Variants in TBC1D9 observed in about 807,000 individuals in gnomAD.
TBC1D9 encodes TBC1 domain family member 9A.
Under a neutral mutation model 132.0 loss-of-function variants are expected in TBC1D9, and 63 were observed. That is an observed-to-expected ratio of 0.48 (90% CI 0.39 to 0.59). The LOEUF is 0.59. Ranked by LOEUF, TBC1D9 falls within the 20% of genes least tolerant of loss-of-function variation. The pLI, the probability that TBC1D9 is intolerant of heterozygous loss-of-function variation, is 0.00. For synonymous variants in TBC1D9, 610 were observed against 609.9 expected, an observed-to-expected ratio of 1.00 and a Z score of 0.00; for missense variants, 1,261 against 1,592.7, an observed-to-expected ratio of 0.79 and a Z score of 3.54.
intron 1 of TBC1D9, among the ~76,000 whole-genome samples, chr4:140,736,415 C>A (rs1038689676): frequency 6.6e-6 from 1 of 152,068 alleles, no homozygotes; most frequent in African/African-American, 2.4e-5. Flanking sequence ...GTGGTACGTG[C>A]CTATAATCCC....
intron 13 of TBC1D9, among the ~76,000 whole-genome samples, chr4:140,646,506 A>G (rs1316881076): frequency 6.6e-6 from 1 of 152,162 alleles, no homozygotes; most frequent in Non-Finnish European, 1.5e-5. Flanking sequence ...ATATTAATTA[A>G]TCCTGTATTT....
At chr4:140,630,304 C>G (rs181810899) in intron 16 of TBC1D9, among the ~76,000 whole-genome samples, 1 of 152,224 alleles carries the variant, frequency 6.6e-6, no homozygotes, top group Non-Finnish European at 1.5e-5. Context: ...GCAAAAACAG[C>G]AATCATGTAG....
At chr4:140,641,627 G>A (rs1441109620) in intron 13 of TBC1D9, among the ~76,000 whole-genome samples, 3 of 151,956 alleles carry the variant, frequency 2.0e-5, no homozygotes, top group African/African-American at 4.8e-5. Flanking sequence ...ATGGGGGTGG[G>A]GAGGAACTCG....
chr4:140,639,004 C>T (rs915941258), intron 15 of TBC1D9, 82 bp downstream of exon 15: 8 of 1,008,096 alleles, frequency 7.9e-6, no homozygotes, highest in African/African-American at 1.6e-5. Flanking sequence ...CTTAATTTAA[C>T]AGAAAAATCA....
chr4:140,643,082 G>C, intron 13 of TBC1D9: 1 of 1,348,536 alleles, frequency 7.4e-7, no homozygotes, highest in Admixed American at 2.0e-5. Flanking sequence ...ACTTATTGTG[G>C]GCTTCAGCTC....
chr4:140,635,176 A>C (rs1181496857), intron 15 of TBC1D9, among the ~76,000 whole-genome samples: 1 of 152,072 alleles, frequency 6.6e-6, no homozygotes, highest in Non-Finnish European at 1.5e-5. Flanking sequence ...AAATATGGTA[A>C]TAGAAAAAAA....
Position 140,679,103 on chromosome 4 carries a change from A to T in TBC1D9, c.690T>A (p.His230Gln). 1 of 1,613,954 alleles carries T rather than the reference A, an allele frequency of 6.2e-7. No individual in the cohort carries two copies. Among genetic ancestry groups the T allele is most frequent in the South Asian group, 1.1e-5 (1 of 91,082 alleles). Reference protein sequence around the residue: ...VIKVSTRSSEHFFSVFLNINE... With the variant: ...VIKVSTRSSEQFFSVFLNINE... ...TGATGTTGAGGAATACAGAGAAGAA[A>T]TGCTCACTGGACCGTGTGCTCACTT... The change falls in exon 5 of 21, where the codon CAT becomes CAA. Residue 230 changes from histidine to glutamine, a missense_variant. Physicochemically the swap from His to Gln is conservative, Grantham distance 24. Coordinates refer to ENST00000442267, the MANE Select transcript of TBC1D9 (RefSeq NM_015130.3).
At chr4:140,708,064 T>C (rs950804589) in intron 1 of TBC1D9, among the ~76,000 whole-genome samples, 3 of 152,158 alleles carry the variant, frequency 2.0e-5, no homozygotes, top group Admixed American at 2.0e-4. Flanking sequence ...TCTCAAAGCC[T>C]ACAATAATGT....
chr4:140,632,938 T>C (rs1021605288), intron 16 of TBC1D9, among the ~76,000 whole-genome samples: 1 of 152,256 alleles, frequency 6.6e-6, no homozygotes, highest in Non-Finnish European at 1.5e-5. Context: ...GTATCTGCAC[T>C]CTAAATAAAT....
At chr4:140,715,476 T>G (rs1738320408) in intron 1 of TBC1D9, among the ~76,000 whole-genome samples, 2 of 152,316 alleles carry the variant, frequency 1.3e-5, no homozygotes, top group South Asian at 4.1e-4. Context: ...CTCCTGTTCC[T>G]TATAACCCAA....
In TBC1D9 at chr4:140,686,351, T is replaced by G; in HGVS notation, c.353A>C (p.Lys118Thr). 2.6e-6 allele frequency: 4 copies of G among 1,561,712 alleles called. No individual in the cohort carries two copies. Among genetic ancestry groups the G allele is most frequent in the Non-Finnish European group, 3.5e-6 (4 of 1,139,456 alleles). Residue 118 changes from lysine (K) to threonine (T), a missense_variant, in exon 3 of 21, where the codon AAA becomes ACA. Transcript: ENST00000442267. ...TTTCTTTTATCCCACTACCTGTATT[T>G]TTCCTCTCACAAATGTGGTGATATC... ...ENDITTFVRG[K>T]IQGIIAEYNK...
chr4:140,722,710 A>G (rs1578856365), intron 1 of TBC1D9, among the ~76,000 whole-genome samples: 1 of 152,252 alleles, frequency 6.6e-6, no homozygotes, highest in African/African-American at 2.4e-5. Context: ...AACAAATAAA[A>G]CATTATTTTC....
chr4:140,626,480 C>G (rs1320037173), intron 18 of TBC1D9, among the ~76,000 whole-genome samples: 1 of 152,114 alleles, frequency 6.6e-6, no homozygotes, highest in Non-Finnish European at 1.5e-5. Flanking sequence ...AGTAAGGTCT[C>G]TTGGTGCAGG....
chr4:140,662,230 G>T, intron 9 of TBC1D9, 123 bp from the exon 10 acceptor site: 1 of 842,740 alleles, frequency 1.2e-6, no homozygotes, highest in Non-Finnish European at 2.0e-6. Context: ...GCAAGAGAAG[G>T]TGAAATCACA....
rs1222559236 is a variant in TBC1D9 at position 140,622,626 on chromosome 4, G to A, written c.3370C>T (p.His1124Tyr). ...TCCTCCATTTGTCCTCCAAGGGAGT[G>A]TTCCTCGCTGTCGGGGGCCAGGCTG... ...PASLAPDSEE[H>Y]SLGGQMEDIK... The change falls in exon 21 of 21, where the codon CAC becomes TAC. Residue 1124 changes from histidine (H) to tyrosine (Y), a missense_variant. His to Tyr is a moderately conservative substitution (Grantham distance 83). Coordinates refer to ENST00000442267, the MANE Select transcript of TBC1D9 (RefSeq NM_015130.3). 3 of 1,612,552 alleles carry A rather than the reference G, an allele frequency of 1.9e-6. No homozygotes were observed. The highest frequency in any genetic ancestry group is 2.5e-6 in the Non-Finnish European group (3 of 1,178,966).
chr4:140,627,434 C>A lies in TBC1D9; in HGVS notation c.2899+7G>T. ...ATATAGTATCTTTGGTGAGAAAAGT[C>A]ACTTACCATGTGTACATTCTGGGGT... On this transcript the variant is annotated splice_region_variant and intron_variant, in intron 18 of 20. Transcript: ENST00000442267. The A allele has an allele frequency of 6.3e-7, 1 of 1,576,228 alleles. No homozygotes were observed. The highest frequency in any genetic ancestry group is 8.7e-7 in the Non-Finnish European group (1 of 1,148,740).
In TBC1D9 at chr4:140,656,529, A is replaced by G. The variant is rs115005181; in HGVS notation, c.2337+568T>C. 4.6e-3 allele frequency among the ~76,000 whole-genome samples: 698 copies of G among 152,250 alleles called. 6 individuals carry two copies. Among genetic ancestry groups the G allele is most frequent in the African/African-American group, 0.016 (655 of 41,544 alleles). ...GTTAGCTCACTACAACCTCAGCGTT[A>G]CCAGTACTGCACAAAGCCCTCTCCA... is the stretch of plus-strand genomic sequence containing the variant. On this transcript the variant is annotated intron_variant, in intron 13 of 20. Transcript: ENST00000442267.
intron 16 of TBC1D9, 102 bp from the exon 17 acceptor site, chr4:140,628,467 A>C: frequency 9.2e-7 from 1 of 1,089,638 alleles, no homozygotes; most frequent in Non-Finnish European, 1.4e-6. Context: ...ATTCCAACCA[A>C]GACATTGTGT....
chr4:140,697,584 T>A (rs775480160), intron 2 of TBC1D9, among the ~76,000 whole-genome samples: 10 of 152,236 alleles, frequency 6.6e-5, no homozygotes, highest in Non-Finnish European at 1.3e-4. Flanking sequence ...TACATCTCTT[T>A]GGACAATAAT....
Sources: gnomAD v4.1 joint callset for allele counts (sites outside exome capture counted in the v4.1 genomes callset) on GRCh38, gnomAD v4.1.1 for gene constraint, MANE v1.5 for transcripts, NCBI Gene and HGNC (gene_info 2026-07-23, HGNC 2026-07-21) for gene names.